PEMT: variants seen among roughly 807,000 people sequenced by gnomAD.
The protein encoded by PEMT is phospholipid methyltransferase.
A neutral mutation model predicts 27.4 loss-of-function variants in PEMT; 23 were observed. The ratio of observed to expected loss-of-function variants is 0.84; its 90% confidence interval spans 0.60 to 1.19. The LOEUF is 1.19. PEMT is among the 50% of genes most tolerant of loss of function. The pLI is 0.00. For missense variants in PEMT, 307 were observed against 310.1 expected, an observed-to-expected ratio of 0.99 and a Z score of 0.07; for synonymous variants, 137 against 139.1, an observed-to-expected ratio of 0.98 and a Z score of 0.11.
chr17:17,551,518 G>C (rs1159985073), intron 2 of PEMT, among the ~76,000 whole-genome samples: 1 of 152,210 alleles, frequency 6.6e-6, no homozygotes, highest in African/African-American at 2.4e-5. Flanking sequence ...GAGAAGACAA[G>C]CTGGCGTGGG....
At chr17:17,539,206 G>A (rs1047340400) in intron 2 of PEMT, among the ~76,000 whole-genome samples, 1 of 152,132 alleles carries the variant, frequency 6.6e-6, no homozygotes, top group African/African-American at 2.4e-5. Context: ...GTCTCCAACT[G>A]TTGGTCTTAA....
In PEMT at chr17:17,505,687, G is replaced by A; in HGVS notation, c.*104C>T. 2 of 1,338,926 alleles carry A rather than the reference G, an allele frequency of 1.5e-6. No homozygotes were observed. Among genetic ancestry groups the A allele is most frequent in the Non-Finnish European group, 2.0e-6 (2 of 1,020,014 alleles). The allele number at this position is 1,338,926 out of a possible 1,614,324, so 82.9% of individuals were successfully genotyped here. Reference sequence around the variant, plus strand: ...AGGCACTGGGGCAGCCCACGCCGGGGGCGAGCCCTGAGCAGCAGGCACCAT... The same window carrying A: ...AGGCACTGGGGCAGCCCACGCCGGGAGCGAGCCCTGAGCAGCAGGCACCAT... On this transcript the variant is annotated 3_prime_UTR_variant, in exon 7 of 7. Coordinates refer to ENST00000255389, the MANE Select transcript of PEMT (RefSeq NM_148172.3).
At chr17:17,539,723 T>G (rs909924070) in intron 2 of PEMT, among the ~76,000 whole-genome samples, 2 of 152,192 alleles carry the variant, frequency 1.3e-5, no homozygotes, top group Non-Finnish European at 2.9e-5. Context: ...AGGGGAACCA[T>G]TGCCCTCATT....
At chr17:17,534,895 CTATTT>C (rs71860290) in intron 2 of PEMT, among the ~76,000 whole-genome samples, 54,279 of 148,434 alleles carry the variant, frequency 0.37, 10,473 homozygotes, top group Non-Finnish European at 0.43. Flanking sequence ...CTCTATAAGG[CTATTT>C]TATTTTATTT....
At chr17:17,524,811 T>A (rs1468699057) in intron 2 of PEMT, among the ~76,000 whole-genome samples, 2 of 152,054 alleles carry the variant, frequency 1.3e-5, no homozygotes, top group Non-Finnish European at 1.5e-5. Context: ...TCCCTAATGA[T>A]AAAGAAATAC....
At chr17:17,518,193 A>G (rs1216317727) in intron 3 of PEMT, 10 of 979,664 alleles carry the variant, frequency 1.0e-5, no homozygotes, top group Non-Finnish European at 1.2e-5. Context: ...ATGCCCTAAC[A>G]AGCTCGGCTG....
chr17:17,553,079 G>GC (rs1909780197), intron 2 of PEMT, among the ~76,000 whole-genome samples: 1 of 152,214 alleles, frequency 6.6e-6, no homozygotes, highest in Non-Finnish European at 1.5e-5. Flanking sequence ...AAGGTGCCTG[G>GC]CCGGCTGGGG....
intron 5 of PEMT, chr17:17,507,515 G>C (rs1038433559): frequency 2.1e-4 from 78 of 377,648 alleles, no homozygotes; most frequent in Non-Finnish European, 3.6e-4. Flanking sequence ...CGTAAGCAAA[G>C]ATCCAAGCCC....
chr17:17,586,292 A>AAAGAAAGAAAG (rs1567759756), intron 1 of PEMT, among the ~76,000 whole-genome samples: 210 of 107,100 alleles, frequency 2.0e-3, no homozygotes, highest in African/African-American at 3.8e-3. Flanking sequence ...AAGAAAGAAA[A>AAAGAAAGAAAG]AAAAAAACGC....
intron 2 of PEMT, among the ~76,000 whole-genome samples, chr17:17,546,150 C>A (rs999974391): frequency 6.6e-6 from 1 of 152,174 alleles, no homozygotes; most frequent in Non-Finnish European, 1.5e-5. Context: ...GATGCACAGA[C>A]GCTCTGGCTG....
At chr17:17,565,769 G>A (rs2142709502) in intron 2 of PEMT, among the ~76,000 whole-genome samples, 2 of 152,386 alleles carry the variant, frequency 1.3e-5, no homozygotes, top group South Asian at 4.1e-4. Flanking sequence ...AGCTACAGAA[G>A]TACTCTCCAA....
At chr17:17,564,614 G>A (rs998701213) in intron 2 of PEMT, among the ~76,000 whole-genome samples, 2 of 152,124 alleles carry the variant, frequency 1.3e-5, no homozygotes, top group South Asian at 2.1e-4. Context: ...CCAAACCTCA[G>A]TCTCCTTGGA....
intron 2 of PEMT, among the ~76,000 whole-genome samples, chr17:17,557,315 C>T (rs529490825): frequency 6.6e-6 from 1 of 152,334 alleles, no homozygotes; most frequent in African/African-American, 2.4e-5. Context: ...CTGTACTGGG[C>T]TCCACTGGCC....
intron 2 of PEMT, among the ~76,000 whole-genome samples, chr17:17,541,840 G>A (rs1334710952): frequency 1.3e-5 from 2 of 152,170 alleles, no homozygotes; most frequent in African/African-American, 2.4e-5. Context: ...AGAGAGAAAC[G>A]GCTGCTACCC....
intron 2 of PEMT, among the ~76,000 whole-genome samples, chr17:17,537,154 G>A (rs1908533483): frequency 6.6e-6 from 1 of 152,202 alleles, no homozygotes; most frequent in African/African-American, 2.4e-5. Context: ...TGCTTACACA[G>A]ATGGCTCTGT....
intron 1 of PEMT, among the ~76,000 whole-genome samples, chr17:17,591,091 C>T (rs1443184496): frequency 6.6e-6 from 1 of 152,188 alleles, no homozygotes; most frequent in African/African-American, 2.4e-5. Context: ...AACACACTCC[C>T]AAACATATAA....
At position 17,525,997 on chromosome 17, in the gene PEMT, CAACAAACA is replaced by C. The variant is rs148919041; in HGVS notation, c.205-3610_205-3603del. 3.2e-4 allele frequency among the ~76,000 whole-genome samples: 49 copies of C among 151,156 alleles called. 1 individual carries two copies. The highest frequency in any genetic ancestry group is 2.9e-3 in the Admixed American group (44 of 15,212). On this transcript the variant is annotated intron_variant, in intron 2 of 6. Coordinates refer to ENST00000255389, the MANE Select transcript of PEMT (RefSeq NM_148172.3). ...TGACAGAGCGAAACTCTGTATCAAA[CAACAAACA>C]AACAAACAAACAATGTTTTGGTGCA...
At chr17:17,589,023 T>G (rs1446204899) in intron 1 of PEMT, among the ~76,000 whole-genome samples, 2 of 152,242 alleles carry the variant, frequency 1.3e-5, no homozygotes, top group Non-Finnish European at 2.9e-5. Context: ...TGCAATGGCG[T>G]GATATCAGCT....
chr17:17,506,857 T>A, intron 5 of PEMT: 1 of 405,562 alleles, frequency 2.5e-6, no homozygotes, highest in East Asian at 4.4e-5. Flanking sequence ...GCTTAGGAGC[T>A]GCCGCCCCGC....
Sources: allele counts gnomAD v4.1 joint callset (sites outside exome capture counted in the v4.1 genomes callset), GRCh38; gene constraint gnomAD v4.1.1; transcripts MANE v1.5; gene names NCBI Gene and HGNC (gene_info 2026-07-23, HGNC 2026-07-21).